Variants in DENND10 observed in about 807,000 individuals in gnomAD.
DENND10 encodes DENN domain containing 10.
In DENND10, 24 loss-of-function variants were observed where a neutral mutation model predicts 43.6. The observed-to-expected ratio is 0.55, with a 90% confidence interval of 0.40 to 0.77. The LOEUF (loss-of-function observed/expected upper bound fraction) is 0.77, where lower values mean the gene tolerates loss of function less well. DENND10 is among the 30% of genes least tolerant of loss of function. DENND10 has a pLI of 0.00. For missense variants in DENND10, 303 were observed against 429.9 expected (o/e 0.70, Z 2.61); for synonymous variants, 125 against 157.6 (o/e 0.79, Z 1.55).
At chr10:119,111,480 G>A (rs1844973621) in intron 2 of DENND10, among the ~76,000 whole-genome samples, 1 of 151,756 alleles carries the variant, frequency 6.6e-6, no homozygotes, top group Non-Finnish European at 1.5e-5. Context: ...TAGTAAAAAA[G>A]TGTGGAGGAG....
At chr10:119,131,225 A>G (rs1219533503) in intron 7 of DENND10, among the ~76,000 whole-genome samples, 7 of 152,166 alleles carry the variant, frequency 4.6e-5, no homozygotes, top group African/African-American at 1.2e-4. Context: ...TTGGGAGGCC[A>G]AGGCGGGTGG....
intron 3 of DENND10, among the ~76,000 whole-genome samples, chr10:119,115,419 G>A (rs1344751667): frequency 4.2e-5 from 2 of 47,342 alleles, no homozygotes; most frequent in African/African-American, 5.2e-5. Flanking sequence ...ACGGAGTCTC[G>A]CTCTGTCGCC....
At chr10:119,107,700 G>A (rs566508306) in intron 1 of DENND10, among the ~76,000 whole-genome samples, 41 of 152,166 alleles carry the variant, frequency 2.7e-4, no homozygotes, top group African/African-American at 9.6e-4. Context: ...CATCGTGCCC[G>A]GCCAAAACTC....
chr10:119,136,808 A>G lies in DENND10; in HGVS notation c.*161A>G, dbSNP rs375860357. 1,732 of 483,824 alleles carry G rather than the reference A, an allele frequency of 3.6e-3. 32 individuals carry two copies. Among genetic ancestry groups the G allele is most frequent in the African/African-American group, 0.031 (1,534 of 49,948 alleles). The allele number at this position is 483,824 out of a possible 1,614,324, so 30.0% of individuals were successfully genotyped here. A position where few individuals can be genotyped will look rare whatever the true frequency, so the allele number is the denominator to read the frequency against. On this transcript the variant is annotated 3_prime_UTR_variant, in exon 9 of 9. Transcript: ENST00000361432. ...TTTGACCTGAAAAACAATGAAACAC[A>G]TGAACACACTTCCGATTTTCTCCTC...
At chr10:119,111,539 C>G (rs967103478) in intron 2 of DENND10, among the ~76,000 whole-genome samples, 3 of 151,784 alleles carry the variant, frequency 2.0e-5, no homozygotes, top group African/African-American at 7.3e-5. Context: ...GCACTTCTTT[C>G]TTGTACTTTG....
At chr10:119,110,028 G>A (rs1439624929) in intron 2 of DENND10, among the ~76,000 whole-genome samples, 1 of 151,910 alleles carries the variant, frequency 6.6e-6, no homozygotes, top group South Asian at 2.1e-4. Context: ...GCCCAGGCTG[G>A]TCTTGAACTC....
At chr10:119,105,828 A>G (rs975749737) in intron 1 of DENND10, among the ~76,000 whole-genome samples, 2 of 151,802 alleles carry the variant, frequency 1.3e-5, no homozygotes, top group South Asian at 2.1e-4. Flanking sequence ...GTTGCAGTGA[A>G]CTGAGATCAT....
In DENND10 at chr10:119,124,382, A is replaced by AT. The variant is rs1390754056; in HGVS notation, c.694+813_694+814insT. ...CTCTACTAAAATACCAAAAAAAAAA[A>AT]AAAAAAAAATTAGCCGGGTGTGGTG... On this transcript the variant is annotated intron_variant, in intron 6 of 8. Transcript: ENST00000361432. Among the ~76,000 whole-genome samples the AT allele has an allele frequency of 7.9e-4, 117 of 148,630 alleles. 1 individual carries two copies. Among genetic ancestry groups the AT allele is most frequent in the African/African-American group, 2.8e-3 (114 of 40,550 alleles).
chr10:119,121,748 C>T (rs569951101), intron 5 of DENND10, among the ~76,000 whole-genome samples: 3 of 151,878 alleles, frequency 2.0e-5, no homozygotes, highest in Non-Finnish European at 4.4e-5. Context: ...CCACTGTGCC[C>T]GGCCAGGTCC....
intron 8 of DENND10, chr10:119,134,770 T>G (rs1589751221): frequency 2.0e-5 from 3 of 152,108 alleles, no homozygotes; most frequent in Admixed American, 6.6e-5. Flanking sequence ...TGGGAAGAGA[T>G]TCCTTCAAAA....
At chr10:119,116,665 CT>C (rs71016543) in intron 3 of DENND10, among the ~76,000 whole-genome samples, 34 of 132,244 alleles carry the variant, frequency 2.6e-4, no homozygotes, top group African/African-American at 8.5e-4. Context: ...TTCTTTCTTT[CT>C]TTTTTTTTTT....
intron 3 of DENND10, among the ~76,000 whole-genome samples, chr10:119,116,396 A>G (rs900482420): frequency 6.6e-6 from 1 of 152,200 alleles, no homozygotes; most frequent in Non-Finnish European, 1.5e-5. Context: ...TCTACAACTA[A>G]TTACTGGTTT....
intron 5 of DENND10, among the ~76,000 whole-genome samples, chr10:119,122,820 T>C (rs1211016644): frequency 6.6e-6 from 1 of 151,766 alleles, no homozygotes; most frequent in East Asian, 1.9e-4. Flanking sequence ...TGACTTTGAA[T>C]TTTACCCTTA....
intron 5 of DENND10, 38 bp from the exon 6 acceptor site, chr10:119,123,431 G>A: frequency 6.7e-7 from 1 of 1,483,704 alleles, no homozygotes; most frequent in South Asian, 1.1e-5. Flanking sequence ...TTAAGGTGTG[G>A]ACCAGCAACA....
intron 8 of DENND10, chr10:119,133,543 A>G (rs1846177129): frequency 6.6e-6 from 1 of 152,228 alleles, no homozygotes; most frequent in Non-Finnish European, 1.5e-5. Context: ...AATTTAGTGG[A>G]GTAGATGCAC....
chr10:119,109,790 C>CT lies in DENND10; in HGVS notation c.252+1639dup, dbSNP rs765025286. Among the ~76,000 whole-genome samples, 367 of 140,052 alleles carry CT rather than the reference C, an allele frequency of 2.6e-3. 2 individuals carry two copies. The highest frequency in any genetic ancestry group is 4.9e-3 in the African/African-American group (189 of 38,360). The allele number at this position is 140,052 out of a possible 152,430, so 91.9% of individuals were successfully genotyped here. ...TTCGCCACCACGTCCAGCTAATTTTCTTTTTTTTTTTTTAACTTCAATTTT... is the reference window on the plus strand; with the variant it reads ...TTCGCCACCACGTCCAGCTAATTTTCTTTTTTTTTTTTTTAACTTCAATTTT... On this transcript the variant is annotated intron_variant, in intron 2 of 8. Coordinates refer to ENST00000361432, the MANE Select transcript of DENND10 (RefSeq NM_207009.4).
intron 3 of DENND10, among the ~76,000 whole-genome samples, 161 bp from the exon 4 acceptor site, chr10:119,117,358 T>A (rs1845340098): frequency 6.6e-6 from 1 of 151,320 alleles, no homozygotes; most frequent in African/African-American, 2.4e-5. Context: ...GGCGACAGAG[T>A]GAGACTCTGT....
intron 3 of DENND10, 101 bp from the exon 4 acceptor site, chr10:119,117,418 G>T: frequency 1.6e-6 from 2 of 1,225,856 alleles, no homozygotes; most frequent in Admixed American, 4.4e-5. Flanking sequence ...TAGCAAGGTG[G>T]CCTCGGATTC....
intron 4 of DENND10, among the ~76,000 whole-genome samples, chr10:119,118,024 A>G (rs1014310645): frequency 2.0e-5 from 3 of 152,034 alleles, no homozygotes; most frequent in African/African-American, 7.2e-5. Flanking sequence ...CAACAACAAA[A>G]TCCCCAAGCC....
Sources: allele counts gnomAD v4.1 joint callset (sites outside exome capture counted in the v4.1 genomes callset), GRCh38; gene constraint gnomAD v4.1.1; transcripts MANE v1.5; gene names NCBI Gene and HGNC (gene_info 2026-07-23, HGNC 2026-07-21).